The following APBA2 variants were observed in gnomAD, a reference collection of about 807,000 sequenced individuals.
The protein encoded by APBA2 is amyloid-beta A4 precursor protein-binding family A member 2.
A neutral mutation model predicts 75.0 loss-of-function variants in APBA2; 30 were observed. That is an observed-to-expected ratio of 0.40 (90% CI 0.30 to 0.54). The LOEUF is 0.54. Among genes scored for constraint, APBA2 ranks in the 20% least tolerant of loss-of-function variants. The probability of loss-of-function intolerance (pLI) is 0.49; values close to 1 mark genes in which losing one functional copy is unlikely to be tolerated. For missense variants in APBA2, 801 were observed against 1,016.1 expected (o/e 0.79, Z 2.88); for synonymous variants, 444 against 409.6 (o/e 1.08, Z -1.01).
At chr15:29,059,252 C>T in intron 4 of APBA2, among the ~76,000 whole-genome samples, 1 of 151,724 alleles carries the variant, frequency 6.6e-6, no homozygotes, top group Middle Eastern at 3.2e-3. Flanking sequence ...ATAAAATGGC[C>T]CTCAAGTGTG....
chr15:29,085,637 C>T (rs1355119773), intron 6 of APBA2, among the ~76,000 whole-genome samples: 1 of 151,966 alleles, frequency 6.6e-6, no homozygotes, highest in Non-Finnish European at 1.5e-5. Flanking sequence ...TGTGTGTTAC[C>T]ATGATTATTG....
intron 3 of APBA2, among the ~76,000 whole-genome samples, chr15:29,052,939 A>T (rs891831293): frequency 6.6e-6 from 1 of 152,220 alleles, no homozygotes; most frequent in African/African-American, 2.4e-5. Flanking sequence ...TAATCCATTC[A>T]TGAGAGCACA....
At chr15:29,116,014 G>A (rs1437738940) in intron 14 of APBA2, among the ~76,000 whole-genome samples, 1 of 152,204 alleles carries the variant, frequency 6.6e-6, no homozygotes, top group African/African-American at 2.4e-5. Flanking sequence ...GGGCAGGACA[G>A]GGGAGAGCGT....
intron 3 of APBA2, among the ~76,000 whole-genome samples, chr15:28,998,736 G>C (rs566541853): frequency 6.6e-6 from 1 of 152,236 alleles, no homozygotes; most frequent in Non-Finnish European, 1.5e-5. Context: ...GGTGGCAGAC[G>C]TGTGTTATGG....
chr15:29,029,427 A>T (rs2040380714), intron 3 of APBA2, among the ~76,000 whole-genome samples: 1 of 151,874 alleles, frequency 6.6e-6, no homozygotes, highest in Non-Finnish European at 1.5e-5. Context: ...TTTTTTGTTC[A>T]TGTCTAAAAA....
chr15:29,110,095 C>T (rs988020773), intron 13 of APBA2, among the ~76,000 whole-genome samples: 1 of 152,248 alleles, frequency 6.6e-6, no homozygotes, highest in African/African-American at 2.4e-5. Context: ...GGAGCCCTGT[C>T]TGCAGCTGCT....
At chr15:29,102,518 G>C (rs1050753880) in intron 10 of APBA2, 1 of 153,166 alleles carries the variant, frequency 6.5e-6, no homozygotes, top group East Asian at 1.9e-4. Context: ...ACTTTTGGGA[G>C]GCTGAGGTGC....
At chr15:28,960,784 G>A (rs1363029214) in intron 2 of APBA2, among the ~76,000 whole-genome samples, 2 of 149,770 alleles carry the variant, frequency 1.3e-5, no homozygotes, top group African/African-American at 2.5e-5. Flanking sequence ...TTTTGAGACG[G>A]AGTGTCACAC....
chr15:29,098,784 G>C (rs745598453), intron 9 of APBA2, among the ~76,000 whole-genome samples: 1 of 152,180 alleles, frequency 6.6e-6, no homozygotes, highest in African/African-American at 2.4e-5. Flanking sequence ...CTCTGCGGGC[G>C]GGAGGTAGGT....
At position 29,117,554 on chromosome 15, in the gene APBA2, T is replaced by TG. The variant is rs1238829257; in HGVS notation, c.*425dup. 3 of 224,426 alleles carry TG rather than the reference T, an allele frequency of 1.3e-5. No homozygotes were observed. Among genetic ancestry groups the TG allele is most frequent in the African/African-American group, 6.9e-5 (3 of 43,568 alleles). The allele number at this position is 224,426 out of a possible 1,614,324, so 13.9% of individuals were successfully genotyped here. On this transcript the variant is annotated 3_prime_UTR_variant, in exon 15 of 15. Coordinates refer to ENST00000683413, the MANE Select transcript of APBA2 (RefSeq NM_001353788.2). ...CTCCCGCCCCCTTGGCTGGGACGTC[T>TG]GGGGTCCTGTGGGGCCCCCACAATG...
At chr15:29,116,049 C>T (rs2045101948) in intron 14 of APBA2, among the ~76,000 whole-genome samples, 1 of 150,276 alleles carries the variant, frequency 6.7e-6, no homozygotes, top group Non-Finnish European at 1.5e-5. Flanking sequence ...GAGAAGTGGG[C>T]AGTAGAGCTC....
intron 3 of APBA2, among the ~76,000 whole-genome samples, chr15:29,026,623 G>A (rs983411747): frequency 6.6e-6 from 1 of 152,152 alleles, no homozygotes; most frequent in Non-Finnish European, 1.5e-5. Flanking sequence ...ATACAGTATC[G>A]TTAGAACAGG....
intron 3 of APBA2, among the ~76,000 whole-genome samples, chr15:29,047,390 C>T (rs986997883): frequency 2.6e-5 from 4 of 152,160 alleles, no homozygotes; most frequent in Admixed American, 2.6e-4. Flanking sequence ...GGATCATTAC[C>T]AGTCCACAGC....
chr15:29,098,734 G>T (rs2152958697), intron 9 of APBA2, among the ~76,000 whole-genome samples, 158 bp downstream of exon 9: 1 of 152,336 alleles, frequency 6.6e-6, no homozygotes, highest in Non-Finnish European at 1.5e-5. Flanking sequence ...GGAGCAAGGA[G>T]CGCACAGCAG....
rs2044136881 is a variant in APBA2 at position 29,101,733 on chromosome 15, G to A, written c.1473G>A (p.Gln491=). 1 of 1,613,582 alleles carries A rather than the reference G, an allele frequency of 6.2e-7. No individual in the cohort carries two copies. The highest frequency in any genetic ancestry group is 1.3e-5 in the African/African-American group (1 of 74,950). Residue 491 remains glutamine, a synonymous_variant, in exon 10 of 15, where the codon CAG becomes CAA. Transcript: ENST00000683413. ...QDCIETTPGA[Q]EGKKQYKMIC... The stretch of plus-strand genomic sequence containing the variant: ...GCATCGAGACCACGCCCGGGGCCCA[G>A]GAAGGCAAGAAGCAGTATAAGATGA...
At chr15:29,027,898 C>T (rs975853296) in intron 3 of APBA2, among the ~76,000 whole-genome samples, 28 of 152,010 alleles carry the variant, frequency 1.8e-4, no homozygotes, top group Admixed American at 1.4e-3. Flanking sequence ...CCACCGTGCC[C>T]GGCCTAGTCT....
chr15:28,988,933 TCTC>T (rs1275624912), intron 2 of APBA2, among the ~76,000 whole-genome samples: 7 of 152,234 alleles, frequency 4.6e-5, no homozygotes, highest in Admixed American at 4.6e-4. Context: ...AGTTTCCTCT[TCTC>T]CTTTTTCTTG....
chr15:28,901,873 C>G (rs530157332), intron 1 of APBA2, among the ~76,000 whole-genome samples: 80 of 146,332 alleles, frequency 5.5e-4, no homozygotes, highest in African/African-American at 1.9e-3. Flanking sequence ...AAACCAGCAT[C>G]GGGAAGCCTG....
intron 4 of APBA2, among the ~76,000 whole-genome samples, chr15:29,058,235 G>A (rs577650875): frequency 2.2e-4 from 33 of 152,138 alleles, no homozygotes; most frequent in Non-Finnish European, 4.0e-4. Context: ...TGCCGGCTGG[G>A]TGCAGTGGCT....
Sources: allele counts gnomAD v4.1 joint callset (sites outside exome capture counted in the v4.1 genomes callset), GRCh38; gene constraint gnomAD v4.1.1; transcripts MANE v1.5; gene names NCBI Gene and HGNC (gene_info 2026-07-23, HGNC 2026-07-21).